Variants in AGPAT5 observed in about 807,000 individuals in gnomAD.
AGPAT5 encodes the protein 1-acyl-sn-glycerol-3-phosphate acyltransferase epsilon.
A neutral mutation model predicts 45.6 loss-of-function variants in AGPAT5; 46 were observed. That is an observed-to-expected ratio of 1.01 (90% CI 0.80 to 1.29). The LOEUF is 1.29. Among genes scored for constraint, AGPAT5 ranks in the 50% most tolerant of loss-of-function variants. AGPAT5 has a pLI of 0.00. For missense variants in AGPAT5, 673 were observed against 450.7 expected (o/e 1.49, Z -4.47); for synonymous variants, 272 against 167.0 (o/e 1.63, Z -4.85).
Position 6,741,110 on chromosome 8 carries a change from G to A in AGPAT5, c.496-551G>A, listed in dbSNP as rs541568969. ...AGTTTCAGTTTATATAACAAATGAG[G>A]TTTCTTATAAATAAAATTTAAAATG... On this transcript the variant is annotated intron_variant, in intron 4 of 7. Coordinates refer to ENST00000285518, the MANE Select transcript of AGPAT5 (RefSeq NM_018361.5). Among the ~76,000 whole-genome samples the A allele has an allele frequency of 2.4e-4, 36 of 152,102 alleles. No homozygotes were observed. The South Asian group carries it at 7.1e-3, about 30-fold the overall frequency.
At chr8:6,715,988 G>C (rs994745899) in intron 1 of AGPAT5, among the ~76,000 whole-genome samples, 2 of 152,052 alleles carry the variant, frequency 1.3e-5, no homozygotes, top group African/African-American at 4.8e-5. Context: ...CCATTCGTTG[G>C]TTTCATTCTA....
chr8:6,746,465 A>C (rs533373550), intron 5 of AGPAT5, among the ~76,000 whole-genome samples: 2 of 152,322 alleles, frequency 1.3e-5, no homozygotes, highest in African/African-American at 4.8e-5. Context: ...GTTTTAGTGA[A>C]CACCACAGAG....
At position 6,730,736 on chromosome 8, in the gene AGPAT5, G is replaced by A; in HGVS notation, c.315G>A (p.Leu105=). 2 of 1,613,236 alleles carry A rather than the reference G, an allele frequency of 1.2e-6. No homozygotes were observed. Among genetic ancestry groups the A allele is most frequent in the South Asian group, 2.2e-5 (2 of 90,974 alleles). The change falls in exon 3 of 8, where the codon TTG becomes TTA. Residue 105 remains leucine, a synonymous_variant. Coordinates refer to ENST00000285518, the MANE Select transcript of AGPAT5 (RefSeq NM_018361.5). ...STVDWIVADI[L]AIRQNALGHV... The stretch of plus-strand genomic sequence containing the variant: ...TTGACTGGATTGTTGCTGACATCTT[G>A]GCCATCAGGCAGAATGCGCTAGGAC...
At chr8:6,733,546 C>T (rs1800941484) in intron 4 of AGPAT5, among the ~76,000 whole-genome samples, 1 of 152,174 alleles carries the variant, frequency 6.6e-6, no homozygotes, top group Non-Finnish European at 1.5e-5. Context: ...ATGAGATGAA[C>T]AGTGACCCTT....
rs1419897620 is a variant in AGPAT5, at chr8:6,761,332, T to C, written c.*3944T>C. On this transcript the variant is annotated 3_prime_UTR_variant, in exon 8 of 8. Transcript: ENST00000285518. ...TGTTCTGCAATTTTATAAATGTTCA[T>C]GTCTTTTTTTAAAAAAGGTGCTATT... Among the ~76,000 whole-genome samples the C allele has an allele frequency of 6.6e-6, 1 of 150,648 alleles. No homozygotes were observed. The highest frequency in any genetic ancestry group is 1.5e-5 in the Non-Finnish European group (1 of 68,030).
At chr8:6,712,419 G>A (rs998784653) in intron 1 of AGPAT5, among the ~76,000 whole-genome samples, 3 of 151,884 alleles carry the variant, frequency 2.0e-5, no homozygotes, top group African/African-American at 7.3e-5. Context: ...ATAAATTAAA[G>A]GTGATATAAC....
chr8:6,713,798 C>G (rs888320162), intron 1 of AGPAT5, among the ~76,000 whole-genome samples: 5 of 152,110 alleles, frequency 3.3e-5, no homozygotes, highest in African/African-American at 1.2e-4. Flanking sequence ...AGCTCCTGGG[C>G]TCAAGTGATC....
chr8:6,722,559 A>G (rs906805279), intron 1 of AGPAT5, among the ~76,000 whole-genome samples: 1 of 152,232 alleles, frequency 6.6e-6, no homozygotes, highest in African/African-American at 2.4e-5. Flanking sequence ...TGATTACTTT[A>G]GATGCCGTAT....
At chr8:6,732,177 A>ATTATT (rs111300530) in intron 3 of AGPAT5, among the ~76,000 whole-genome samples, 12 of 151,390 alleles carry the variant, frequency 7.9e-5, no homozygotes, top group Non-Finnish European at 1.5e-4. Flanking sequence ...AAAGATCGTG[A>ATTATT]GACATGTTAA....
At chr8:6,743,542 C>T (rs942947264) in intron 5 of AGPAT5, among the ~76,000 whole-genome samples, 8 of 152,264 alleles carry the variant, frequency 5.3e-5, no homozygotes, top group Admixed American at 2.6e-4. Flanking sequence ...AGTTGCATAC[C>T]TCTTATAGGA....
intron 1 of AGPAT5, among the ~76,000 whole-genome samples, chr8:6,715,447 G>C (rs1196213910): frequency 6.6e-6 from 1 of 152,096 alleles, no homozygotes; most frequent in Non-Finnish European, 1.5e-5. Context: ...GAAGAGGGTG[G>C]GTTAGTAACA....
At chr8:6,726,078 T>G (rs1353048769) in intron 2 of AGPAT5, among the ~76,000 whole-genome samples, 2 of 152,226 alleles carry the variant, frequency 1.3e-5, no homozygotes, top group Non-Finnish European at 2.9e-5. Context: ...TTCCCCAACT[T>G]TATTACATGA....
chr8:6,746,387 A>G (rs1299645072), intron 5 of AGPAT5: 1 of 152,182 alleles, frequency 6.6e-6, no homozygotes, highest in Admixed American at 6.5e-5. Flanking sequence ...ATTTCCTTTT[A>G]TGTTTTAAAA....
In AGPAT5 at chr8:6,761,348, A is replaced by G. The variant is rs1002112391; in HGVS notation, c.*3960A>G. Among the ~76,000 whole-genome samples the G allele has an allele frequency of 1.5e-4, 23 of 152,268 alleles. No individual in the cohort carries two copies. The highest frequency in any genetic ancestry group is 2.5e-4 in the Non-Finnish European group (17 of 68,008). On this transcript the variant is annotated 3_prime_UTR_variant, in exon 8 of 8. Transcript: ENST00000285518. ...AAATGTTCATGTCTTTTTTTAAAAAAGGTGCTATTGAAATTCTGTGTCTCC... is the reference window on the plus strand; with the variant it reads ...AAATGTTCATGTCTTTTTTTAAAAAGGGTGCTATTGAAATTCTGTGTCTCC...
At chr8:6,757,047 C>T (rs1273765015) in intron 7 of AGPAT5, 116 bp from the exon 8 acceptor site, 2 of 718,394 alleles carry the variant, frequency 2.8e-6, no homozygotes, top group South Asian at 2.0e-5. Context: ...CGTATTCATC[C>T]TTATTTTCCA....
chr8:6,731,954 G>C (rs1049654941), intron 3 of AGPAT5, among the ~76,000 whole-genome samples: 1 of 152,140 alleles, frequency 6.6e-6, no homozygotes, highest in African/African-American at 2.4e-5. Context: ...AGAAGGACTA[G>C]TTACACTGGA....
chr8:6,725,241 G>A (rs190087602), intron 2 of AGPAT5, among the ~76,000 whole-genome samples: 91 of 152,272 alleles, frequency 6.0e-4, no homozygotes, highest in African/African-American at 2.1e-3. Flanking sequence ...TTTTGTAAGT[G>A]ATGTTTCTAG....
At chr8:6,714,188 A>G (rs1191988552) in intron 1 of AGPAT5, among the ~76,000 whole-genome samples, 1 of 151,900 alleles carries the variant, frequency 6.6e-6, no homozygotes, top group Non-Finnish European at 1.5e-5. Flanking sequence ...CCTTAATTTT[A>G]CTCTTCTCTG....
chr8:6,720,991 A>T (rs1219140206), intron 1 of AGPAT5, among the ~76,000 whole-genome samples: 1 of 152,206 alleles, frequency 6.6e-6, no homozygotes, highest in African/African-American at 2.4e-5. Flanking sequence ...TTGAAAGCTT[A>T]TGAAGAAGGC....
Sources: gnomAD v4.1 joint callset for allele counts (sites outside exome capture counted in the v4.1 genomes callset) on GRCh38, gnomAD v4.1.1 for gene constraint, MANE v1.5 for transcripts, NCBI Gene and HGNC (gene_info 2026-07-23, HGNC 2026-07-21) for gene names.